Variants in NDE1 observed in about 807,000 individuals in gnomAD.
NDE1 encodes nudE neurodevelopment protein 1.
NDE1 carries 28 observed loss-of-function variants against 43.4 expected under a neutral mutation model. The ratio of observed to expected loss-of-function variants is 0.65; its 90% CI spans 0.48 to 0.89. The LOEUF is 0.89. Among genes scored for constraint, NDE1 ranks in the 40% least tolerant of loss-of-function variants. The pLI is 0.00. For missense variants in NDE1, 441 were observed against 434.1 expected (o/e 1.02, Z -0.14); for synonymous variants, 184 against 172.0 (o/e 1.07, Z -0.55).
intron 8 of NDE1, chr16:15,721,027 G>T: frequency 1.2e-6 from 2 of 1,613,920 alleles, no homozygotes; most frequent in South Asian, 1.1e-5. Context: ...TCCAGGGCCC[G>T]CTTGGACTTC....
chr16:15,705,728 T>A (rs139410313), intron 8 of NDE1, among the ~76,000 whole-genome samples: 3,452 of 152,094 alleles, frequency 0.023, 138 homozygotes, highest in African/African-American at 0.079. Flanking sequence ...ACACCTGTAA[T>A]CTCAGCACTT....
In NDE1 at chr16:15,721,250, G is replaced by A. The variant is rs373624610; in HGVS notation, c.948-2941G>A. On this transcript the variant is annotated intron_variant, in intron 8 of 8. Coordinates refer to ENST00000396354, the MANE Select transcript of NDE1 (RefSeq NM_017668.3). Reference sequence around the variant, plus strand: ...GACCCCCCAACTCAGACCCATCCTCGACTGCCATTCTCAGCCCCTCCCAGC... The same window carrying A: ...GACCCCCCAACTCAGACCCATCCTCAACTGCCATTCTCAGCCCCTCCCAGC... 16 of 945,302 alleles carry A rather than the reference G, an allele frequency of 1.7e-5. No individual in the cohort carries two copies. The East Asian group carries it at 3.4e-4, about 20-fold the overall frequency. The allele number at this position is 945,302 out of a possible 1,614,324, so 58.6% of individuals were successfully genotyped here. A position where few individuals can be genotyped will look rare whatever the true frequency, so the allele number is the denominator to read the frequency against.
intron 5 of NDE1, among the ~76,000 whole-genome samples, chr16:15,688,218 T>C (rs2038539123): frequency 6.6e-6 from 1 of 151,976 alleles, no homozygotes; most frequent in Admixed American, 6.6e-5. Flanking sequence ...CTGGTGGAAT[T>C]GCCAGCTAGC....
At chr16:15,709,193 G>A (rs2039640509) in intron 8 of NDE1, among the ~76,000 whole-genome samples, 1 of 151,972 alleles carries the variant, frequency 6.6e-6, no homozygotes, top group South Asian at 2.1e-4. Context: ...TTCCTGCCTT[G>A]GCCTCCCAAG....
chr16:15,675,464 TCTCA>T (rs1354922513), intron 3 of NDE1, among the ~76,000 whole-genome samples: 1 of 150,498 alleles, frequency 6.6e-6, no homozygotes, highest in East Asian at 2.0e-4. Flanking sequence ...AGTGTCGTGG[TCTCA>T]CTCTGTGGCC....
At chr16:15,683,457 G>T (rs2038284683) in intron 4 of NDE1, 1 of 152,040 alleles carries the variant, frequency 6.6e-6, no homozygotes, top group African/African-American at 2.4e-5. Flanking sequence ...CATTCTCCTG[G>T]CCTCAGCCTC....
rs2039325604 is a variant in NDE1 at position 15,704,125 on chromosome 16, T to C, written c.947+7265T>C. 6.2e-6 allele frequency: 10 copies of C among 1,614,022 alleles called. No individual in the cohort carries two copies. In the East Asian group the frequency reaches 2.2e-4, roughly 36 times the overall value. ...ACGAAAGAGGTCTCGTTTCCTCGCC[T>C]GTGGGTTGTAAGAAAACACATTATT... On this transcript the variant is annotated intron_variant, in intron 8 of 8. Transcript: ENST00000396354.
intron 4 of NDE1, among the ~76,000 whole-genome samples, chr16:15,682,465 C>A (rs1025201355): frequency 6.6e-6 from 1 of 152,222 alleles, no homozygotes; most frequent in Non-Finnish European, 1.5e-5. Context: ...AGTTTCTCAG[C>A]ACCATCAGCT....
chr16:15,699,444 C>G (rs1046323200), intron 8 of NDE1, among the ~76,000 whole-genome samples: 1 of 151,956 alleles, frequency 6.6e-6, no homozygotes, highest in African/African-American at 2.4e-5. Flanking sequence ...TTGCATTTTT[C>G]ATAGAGACAG....
chr16:15,715,116 G>T (rs1207742587), intron 8 of NDE1: 1 of 1,612,090 alleles, frequency 6.2e-7, no homozygotes, highest in Non-Finnish European at 8.5e-7. Context: ...GTTAGGGGAG[G>T]CCGGCTGGGG....
rs901502893 is a variant in NDE1, at chr16:15,717,342, G to C, written c.948-6849G>C. 5 of 1,606,676 alleles carry C rather than the reference G, an allele frequency of 3.1e-6. No homozygotes were observed. The highest frequency in any genetic ancestry group is 4.2e-6 in the Non-Finnish European group (5 of 1,179,998). On this transcript the variant is annotated intron_variant, in intron 8 of 8. Transcript: ENST00000396354. Reference sequence around the variant, plus strand: ...TCTGTGGCCAGCTCGTTGCTGAGCTGCTCGGCCTGGGGAGGAGAGTGAAGG... The same window carrying C: ...TCTGTGGCCAGCTCGTTGCTGAGCTCCTCGGCCTGGGGAGGAGAGTGAAGG...
intron 8 of NDE1, chr16:15,719,748 TC>T: frequency 6.2e-7 from 1 of 1,613,644 alleles, no homozygotes; most frequent in Non-Finnish European, 8.5e-7. Flanking sequence ...AGCTCAGATG[TC>T]CTTACTCCCC....
chr16:15,680,961 T>A (rs2038144369), intron 4 of NDE1, among the ~76,000 whole-genome samples: 1 of 152,086 alleles, frequency 6.6e-6, no homozygotes, highest in Admixed American at 6.6e-5. Flanking sequence ...TTTTTTCTCT[T>A]TTGAAAAAAA....
intron 8 of NDE1, chr16:15,714,450 G>A (rs551943578): frequency 4.9e-6 from 1 of 204,490 alleles, no homozygotes; most frequent in Non-Finnish European, 1.0e-5. Flanking sequence ...GATGGGGAAT[G>A]TCGGACAGCC....
intron 8 of NDE1, chr16:15,701,623 C>T (rs1289732888): frequency 1.3e-5 from 2 of 152,194 alleles, no homozygotes; most frequent in Non-Finnish European, 2.9e-5. Flanking sequence ...CATGGTGTGT[C>T]CACTCATCAC....
At chr16:15,701,877 T>C (rs2039232507) in intron 8 of NDE1, 1 of 152,210 alleles carries the variant, frequency 6.6e-6, no homozygotes, top group South Asian at 2.1e-4. Context: ...GATGTCCTTT[T>C]ATTTTTTTAA....
intron 8 of NDE1, chr16:15,720,811 C>G (rs762533619): frequency 5.6e-6 from 9 of 1,609,926 alleles, no homozygotes; most frequent in East Asian, 2.2e-5. Context: ...CCCGACCTCC[C>G]TCTGCTGGCC....
chr16:15,721,107 G>A, intron 8 of NDE1: 1 of 1,588,968 alleles, frequency 6.3e-7, no homozygotes, highest in Non-Finnish European at 8.6e-7. Context: ...GAAGACGATT[G>A]AGAAACCCAC....
At chr16:15,723,685 A>G (rs1001721636) in intron 8 of NDE1, among the ~76,000 whole-genome samples, 2 of 152,160 alleles carry the variant, frequency 1.3e-5, no homozygotes, top group African/African-American at 2.4e-5. Flanking sequence ...TACAGTGTCA[A>G]TGACTGAATC....
Sources: gnomAD v4.1 joint callset for allele counts (sites outside exome capture counted in the v4.1 genomes callset) on GRCh38, gnomAD v4.1.1 for gene constraint, MANE v1.5 for transcripts, NCBI Gene and HGNC (gene_info 2026-07-23, HGNC 2026-07-21) for gene names.